FGF14: variants seen among roughly 807,000 people sequenced by gnomAD.
FGF14 encodes the protein fibroblast growth factor homologous factor 4.
In FGF14, 5 loss-of-function variants were observed where a neutral mutation model predicts 25.5. The observed-to-expected ratio is 0.20, with a 90% CI of 0.10 to 0.41. The LOEUF is 0.41. FGF14 is among the 10% of genes least tolerant of loss of function. The pLI is 1.00. For synonymous variants in FGF14, 138 were observed against 118.3 expected, an observed-to-expected ratio of 1.17 and a Z score of -1.08; for missense variants, 222 against 320.1, an observed-to-expected ratio of 0.69 and a Z score of 2.34.
At chr13:102,185,345 A>G (rs2048836747) in intron 1 of FGF14, among the ~76,000 whole-genome samples, 1 of 152,194 alleles carries the variant, frequency 6.6e-6, no homozygotes, top group African/African-American at 2.4e-5. Context: ...TTTTATTTAT[A>G]CTGTATTGAT....
intron 1 of FGF14, among the ~76,000 whole-genome samples, chr13:102,144,893 G>C (rs2046790912): frequency 1.3e-5 from 2 of 151,918 alleles, no homozygotes; most frequent in South Asian, 4.2e-4. Flanking sequence ...AATCAGAAAA[G>C]GTAAATCATT....
intron 3 of FGF14, among the ~76,000 whole-genome samples, chr13:101,821,958 T>C (rs2042176575): frequency 6.6e-6 from 1 of 152,210 alleles, no homozygotes; most frequent in South Asian, 2.1e-4. Context: ...GCAGATATCA[T>C]CTTTTCACTC....
chr13:101,803,608 A>G (rs866879192), intron 3 of FGF14, among the ~76,000 whole-genome samples: 50 of 151,900 alleles, frequency 3.3e-4, no homozygotes, highest in African/African-American at 1.2e-3. Flanking sequence ...GCTGAAGTTA[A>G]TAAACAGTAA....
intron 1 of FGF14, among the ~76,000 whole-genome samples, chr13:101,978,068 C>A (rs1267131748): frequency 6.6e-6 from 1 of 152,132 alleles, no homozygotes; most frequent in African/African-American, 2.4e-5. Flanking sequence ...CTTTCTAGGA[C>A]TCTGTGATTA....
chr13:102,254,588 G>C lies in FGF14; in HGVS notation c.208+146883C>G, dbSNP rs1004127446. Among the ~76,000 whole-genome samples the C allele has an allele frequency of 2.6e-5, 4 of 152,196 alleles. No homozygotes were observed. In the East Asian group the frequency reaches 7.7e-4, roughly 29 times the overall value. ...GCTATCTGTAAGGAAGACCTACCACGTGGTCCTCGTCGTTGGTACAGATGA... is the reference window on the plus strand; with the variant it reads ...GCTATCTGTAAGGAAGACCTACCACCTGGTCCTCGTCGTTGGTACAGATGA... On this transcript the variant is annotated intron_variant, in intron 1 of 4. Transcript: ENST00000376131.
intron 1 of FGF14, among the ~76,000 whole-genome samples, chr13:102,165,637 G>C (rs535562946): frequency 1.9e-5 from 2 of 104,872 alleles, no homozygotes; most frequent in South Asian, 8.9e-4. Context: ...GACACAGGAA[G>C]GGGAACATCA....
rs1242535584 is a variant in FGF14 at position 101,953,323 on chromosome 13, C to T, written c.209-78027G>A. Among the ~76,000 whole-genome samples, 2 of 152,040 alleles carry T rather than the reference C, an allele frequency of 1.3e-5. 1 individual carries two copies. Among genetic ancestry groups the T allele is most frequent in the Non-Finnish European group, 2.9e-5 (2 of 68,030 alleles). Reference sequence around the variant, plus strand: ...TTTTTAATTAATTCCACCACCTGCACACAGTTGTCAACTCTCTCTACTCAG... The same window carrying T: ...TTTTTAATTAATTCCACCACCTGCATACAGTTGTCAACTCTCTCTACTCAG... On this transcript the variant is annotated intron_variant, in intron 1 of 4. Coordinates refer to the FGF14 transcript ENST00000376131.
intron 1 of FGF14, among the ~76,000 whole-genome samples, chr13:102,105,084 C>G (rs74327667): frequency 1.3e-5 from 2 of 152,192 alleles, no homozygotes; most frequent in East Asian, 1.9e-4. Flanking sequence ...TCCAACCAAA[C>G]ACTTGCCCCA....
chr13:101,799,731 T>C (rs1163097443), intron 3 of FGF14, among the ~76,000 whole-genome samples: 1 of 152,058 alleles, frequency 6.6e-6, no homozygotes, highest in African/African-American at 2.4e-5. Context: ...CTTAGGATAA[T>C]TGGAAGACTA....
At chr13:101,959,581 C>T (rs751048179) in intron 1 of FGF14, among the ~76,000 whole-genome samples, 11 of 152,126 alleles carry the variant, frequency 7.2e-5, no homozygotes, top group Non-Finnish European at 1.0e-4. Flanking sequence ...GCTGTTATTC[C>T]AACTTGGAGT....
chr13:101,991,332 T>C (rs2038891633), intron 1 of FGF14, among the ~76,000 whole-genome samples: 2 of 152,128 alleles, frequency 1.3e-5, no homozygotes, highest in Admixed American at 1.3e-4. Context: ...GAAATCAGTG[T>C]AAAACTTCTA....
intron 3 of FGF14, among the ~76,000 whole-genome samples, chr13:101,828,664 C>A (rs1262561460): frequency 6.6e-6 from 1 of 151,924 alleles, no homozygotes; most frequent in Admixed American, 6.6e-5. Flanking sequence ...TCAGTAATAA[C>A]CATGATCTCC....
intron 3 of FGF14, among the ~76,000 whole-genome samples, chr13:101,852,221 G>A (rs537468415): frequency 6.6e-6 from 1 of 152,042 alleles, no homozygotes; most frequent in East Asian, 1.9e-4. Context: ...AAACACATGA[G>A]TGTTCAAAGA....
At chr13:102,060,383 G>T (rs542828208) in intron 1 of FGF14, among the ~76,000 whole-genome samples, 2 of 152,202 alleles carry the variant, frequency 1.3e-5, no homozygotes, top group South Asian at 4.1e-4. Context: ...AAAATTAGCC[G>T]GGCATGGTGG....
At chr13:101,814,039 T>C (rs557501057) in intron 3 of FGF14, among the ~76,000 whole-genome samples, 2 of 152,376 alleles carry the variant, frequency 1.3e-5, no homozygotes, top group South Asian at 4.1e-4. Flanking sequence ...GATGAAGTTA[T>C]GGATGTTTCC....
chr13:102,363,775 A>T (rs1356333632), intron 1 of FGF14, among the ~76,000 whole-genome samples: 1 of 152,006 alleles, frequency 6.6e-6, no homozygotes, highest in South Asian at 2.1e-4. Flanking sequence ...AGTTTGATTG[A>T]TTTCTTCTCT....
upstream of FGF14, among the ~76,000 whole-genome samples, chr13:101,920,230 ACT>A (rs2033899620): frequency 6.6e-6 from 1 of 152,132 alleles, no homozygotes; most frequent in African/African-American, 2.4e-5. Flanking sequence ...ATAATTTGTC[ACT>A]CATCAGAACC....
chr13:101,837,794 AG>A (rs2042999205), intron 3 of FGF14, among the ~76,000 whole-genome samples: 2 of 152,042 alleles, frequency 1.3e-5, no homozygotes, highest in Admixed American at 1.3e-4. Context: ...ATTGGATTGA[AG>A]GATGCAAAGT....
chr13:102,273,905 C>T (rs927129608), intron 1 of FGF14, among the ~76,000 whole-genome samples: 1 of 147,794 alleles, frequency 6.8e-6, no homozygotes, highest in Non-Finnish European at 1.5e-5. Context: ...CACCACTCTA[C>T]TCCAACCTGG....
Sources: gnomAD v4.1 joint callset for allele counts (sites outside exome capture counted in the v4.1 genomes callset) on GRCh38, gnomAD v4.1.1 for gene constraint, MANE v1.5 for transcripts, NCBI Gene and HGNC (gene_info 2026-07-23, HGNC 2026-07-21) for gene names.